The following MAS1 variants were observed in gnomAD, a reference collection of about 807,000 sequenced individuals.
MAS1 encodes the protein proto-oncogene Mas.
For synonymous variants in MAS1, 163 were observed against 164.2 expected (o/e 0.99, Z 0.05); for missense variants, 387 against 409.7 (o/e 0.94, Z 0.48).
rs1042498479 is a variant in MAS1 at position 159,917,436 on chromosome 6, C to A, written c.*9503C>A. On this transcript the variant is annotated 3_prime_UTR_variant, in exon 3 of 3. Transcript: ENST00000674077. ...TTTCAGAGATCAGGAATAAAATGTTCATGCATGAGAATTTTGTGTTGGGCT... is the reference window on the plus strand; with the variant it reads ...TTTCAGAGATCAGGAATAAAATGTTAATGCATGAGAATTTTGTGTTGGGCT... Among the ~76,000 whole-genome samples, 6 of 152,172 alleles carry A rather than the reference C, an allele frequency of 3.9e-5. No individual in the cohort carries two copies. The highest frequency in any genetic ancestry group is 8.8e-5 in the Non-Finnish European group (6 of 68,036).
intron 2 of MAS1, among the ~76,000 whole-genome samples, chr6:159,900,192 G>T (rs938763626): frequency 6.6e-6 from 1 of 152,194 alleles, no homozygotes; most frequent in Admixed American, 6.5e-5. Flanking sequence ...GGCTTTCTGA[G>T]ATCTCAACTG....
rs1240633167 is a variant in MAS1, at chr6:159,907,062, A to T, written c.107A>T (p.His36Leu). ...GNAHRQIPIV[H>L]WVIMSISPVG... Reference sequence around the variant, plus strand: ...GCACATCGGCAAATCCCCATCGTGCACTGGGTCATTATGAGCATCTCCCCA... The same window carrying T: ...GCACATCGGCAAATCCCCATCGTGCTCTGGGTCATTATGAGCATCTCCCCA... The change falls in exon 3 of 3, where the codon CAC becomes CTC. Residue 36 changes from histidine to leucine, a missense_variant. Coordinates refer to ENST00000674077, the MANE Select transcript of MAS1 (RefSeq NM_002377.4). 9 of 1,614,076 alleles carry T rather than the reference A, an allele frequency of 5.6e-6. No individual in the cohort carries two copies. Among genetic ancestry groups the T allele is most frequent in the Non-Finnish European group, 7.6e-6 (9 of 1,180,012 alleles).
Position 159,906,920 on chromosome 6 carries a change from A to C in MAS1, c.-36A>C, listed in dbSNP as rs1782893739. On this transcript the variant is annotated splice_region_variant and 5_prime_UTR_variant, in exon 3 of 3. Transcript: ENST00000674077. ...TGTTTTGTTCTGGACATATTTACAGAAAATTACCTGAAGAGTTCCAACCTG... is the reference window on the plus strand; with the variant it reads ...TGTTTTGTTCTGGACATATTTACAGCAAATTACCTGAAGAGTTCCAACCTG... The C allele has an allele frequency of 6.5e-7, 1 of 1,542,782 alleles. No homozygotes were observed. Among genetic ancestry groups the C allele is most frequent in the Admixed American group, 2.0e-5 (1 of 49,716 alleles).
Position 159,907,380 on chromosome 6 carries a change from G to T in MAS1, c.425G>T (p.Cys142Phe), listed in dbSNP as rs1306095215. 6.2e-7 allele frequency: 1 copy of T among 1,613,970 alleles called. No homozygotes were observed. The change falls in exon 3 of 3, where the codon TGC (cysteine) becomes TTC (phenylalanine). Residue 142 changes from cysteine to phenylalanine, a missense_variant. Transcript: ENST00000674077. ...GTCCTTTACCCCATCTGGTACCGAT[G>T]CCATCGCCCCAAGTACCAGTCGGCA... Reference protein sequence around the residue: ...LSVLYPIWYRCHRPKYQSALV... With the variant: ...LSVLYPIWYRFHRPKYQSALV...
Position 159,910,060 on chromosome 6 carries a change from G to A in MAS1, c.*2127G>A, listed in dbSNP as rs928213074. ...AAGATTTAAGTAAATTTGCAAATATGTAGAGAATACTAAATCATTTGTATC... is the reference window on the plus strand; with the variant it reads ...AAGATTTAAGTAAATTTGCAAATATATAGAGAATACTAAATCATTTGTATC... On this transcript the variant is annotated 3_prime_UTR_variant, in exon 3 of 3. Coordinates refer to ENST00000674077, the MANE Select transcript of MAS1 (RefSeq NM_002377.4). The A allele has an allele frequency of 6.6e-6, 1 of 152,230 alleles. No individual in the cohort carries two copies. Among genetic ancestry groups the A allele is most frequent in the African/African-American group, 2.4e-5 (1 of 41,456 alleles). The allele number at this position is 152,230 out of a possible 1,614,324, so 9.4% of individuals were successfully genotyped here. A position where few individuals can be genotyped will look rare whatever the true frequency, so the allele number is the denominator to read the frequency against.
At chr6:159,894,277 G>T (rs1782730452) in intron 1 of MAS1, among the ~76,000 whole-genome samples, 1 of 152,100 alleles carries the variant, frequency 6.6e-6, no homozygotes, top group Non-Finnish European at 1.5e-5. Flanking sequence ...AAATTAGTCA[G>T]ATGTGGTGGC....
rs1030431682 is a variant in MAS1 at position 159,914,525 on chromosome 6, G to C, written c.*6592G>C. ...TTCCCAGTTCAGGGAAGATGTAAGTGGGTATCAGAACTTAATCTTGAGCTT... is the reference window on the plus strand; with the variant it reads ...TTCCCAGTTCAGGGAAGATGTAAGTCGGTATCAGAACTTAATCTTGAGCTT... On this transcript the variant is annotated 3_prime_UTR_variant, in exon 3 of 3. Coordinates refer to ENST00000674077, the MANE Select transcript of MAS1 (RefSeq NM_002377.4). The C allele has an allele frequency of 6.6e-6, 1 of 152,202 alleles. No individual in the cohort carries two copies. The highest frequency in any genetic ancestry group is 2.4e-5 in the African/African-American group (1 of 41,436). 9.4% of individuals were successfully genotyped at this position (152,202 alleles called of 1,614,324 possible).
chr6:159,890,238 A>G (rs1365112978), upstream of MAS1, among the ~76,000 whole-genome samples: 1 of 152,212 alleles, frequency 6.6e-6, no homozygotes. Flanking sequence ...AAAACAAAAA[A>G]CCTAACCAAA....
At chr6:159,895,638 A>G (rs1782747038) in intron 1 of MAS1, among the ~76,000 whole-genome samples, 2 of 152,264 alleles carry the variant, frequency 1.3e-5, no homozygotes, top group African/African-American at 4.8e-5. Context: ...CAACCTCATT[A>G]GGAATCAAAT....
rs1353231318 is a variant in MAS1, at chr6:159,917,286, A to G, written c.*9353A>G. On this transcript the variant is annotated 3_prime_UTR_variant, in exon 3 of 3. Coordinates refer to ENST00000674077, the MANE Select transcript of MAS1 (RefSeq NM_002377.4). ...GGATTAATCACAAGGAGATTTAAAA[A>G]ACGAGAGATTTTCTGTAGTAAGTAC... Among the ~76,000 whole-genome samples the G allele has an allele frequency of 6.6e-6, 1 of 152,248 alleles. No individual in the cohort carries two copies. The highest frequency in any genetic ancestry group is 1.5e-5 in the Non-Finnish European group (1 of 68,034).
chr6:159,904,450 C>T (rs2044388363), intron 2 of MAS1, among the ~76,000 whole-genome samples: 1 of 152,194 alleles, frequency 6.6e-6, no homozygotes, highest in African/African-American at 2.4e-5. Context: ...AATGGCTAAA[C>T]ACGTATTCTC....
chr6:159,907,647 T>G lies in MAS1; in HGVS notation c.692T>G (p.Met231Arg), dbSNP rs377184807. 1 of 1,614,012 alleles carries G rather than the reference T, an allele frequency of 6.2e-7. No homozygotes were observed. Among genetic ancestry groups the G allele is most frequent in the Non-Finnish European group, 8.5e-7 (1 of 1,180,000 alleles). ...TCCTCCAAGCTTTACATAGTCATCA[T>G]GGTCACCATCATTATATTCCTCATC... Reference protein sequence around the residue: ...SHSSKLYIVIMVTIIIFLIFA... With the variant: ...SHSSKLYIVIRVTIIIFLIFA... The change falls in exon 3 of 3, where the codon ATG (methionine) becomes AGG (arginine). Residue 231 changes from methionine (M) to arginine (R), a missense_variant. Met to Arg is a moderately conservative substitution (Grantham distance 91). Coordinates refer to ENST00000674077, the MANE Select transcript of MAS1 (RefSeq NM_002377.4).
intron 2 of MAS1, among the ~76,000 whole-genome samples, chr6:159,899,669 G>C (rs1782800339): frequency 6.6e-6 from 1 of 152,226 alleles, no homozygotes; most frequent in African/African-American, 2.4e-5. Context: ...AGCCCAGGAA[G>C]TCAAGGCTGC....
At chr6:159,901,671 A>G (rs170220) in intron 2 of MAS1, among the ~76,000 whole-genome samples, 41,549 of 151,814 alleles carry the variant, frequency 0.27, 6,681 homozygotes, top group East Asian at 0.77. Flanking sequence ...TGAACATAGC[A>G]AGATCCCATC....
rs991708210 is a variant in MAS1, at chr6:159,913,543, A to G, written c.*5610A>G. The stretch of plus-strand genomic sequence containing the variant: ...CCTGAAGGCTTGACTAGGCAGGGCA[A>G]TCGAGGTGGTACACTCACAAGGCTG... On this transcript the variant is annotated 3_prime_UTR_variant, in exon 3 of 3. Transcript: ENST00000674077. 3.3e-5 allele frequency: 5 copies of G among 152,210 alleles called. No individual in the cohort carries two copies. Among genetic ancestry groups the G allele is most frequent in the Non-Finnish European group, 7.3e-5 (5 of 68,048 alleles). 9.4% of individuals were successfully genotyped at this position (152,210 alleles called of 1,614,324 possible).
At chr6:159,902,949 G>A (rs1562311027) in intron 2 of MAS1, among the ~76,000 whole-genome samples, 1 of 152,022 alleles carries the variant, frequency 6.6e-6, no homozygotes, top group Non-Finnish European at 1.5e-5. Context: ...GTGGCTCCAG[G>A]TTCTGCTCTC....
intron 2 of MAS1, among the ~76,000 whole-genome samples, chr6:159,902,771 A>T (rs1782837077): frequency 6.6e-6 from 1 of 152,100 alleles, no homozygotes; most frequent in Middle Eastern, 3.2e-3. Flanking sequence ...CGGCCACTGT[A>T]TCGCCTCCCA....
At position 159,914,369 on chromosome 6, in the gene MAS1, T is replaced by A. The variant is rs1782997770; in HGVS notation, c.*6436T>A. On this transcript the variant is annotated 3_prime_UTR_variant, in exon 3 of 3. Transcript: ENST00000674077. The stretch of plus-strand genomic sequence containing the variant: ...ACAGTTTTTTAAGGGTTCTTGGTGG[T>A]GTCAGAGCTTTGCTACTTAGTATTG... The A allele has an allele frequency of 6.6e-6, 1 of 152,212 alleles. No individual in the cohort carries two copies. The highest frequency in any genetic ancestry group is 2.4e-5 in the African/African-American group (1 of 41,458). The allele number at this position is 152,212 out of a possible 1,614,324, so 9.4% of individuals were successfully genotyped here. A position where few individuals can be genotyped will look rare whatever the true frequency, so the allele number is the denominator to read the frequency against.
At chr6:159,899,848 C>T (rs905935510) in intron 2 of MAS1, among the ~76,000 whole-genome samples, 8 of 152,072 alleles carry the variant, frequency 5.3e-5, no homozygotes, top group Admixed American at 3.9e-4. Context: ...GAGTTCATGA[C>T]CAGTCTGGCC....
Sources: allele counts gnomAD v4.1 joint callset (sites outside exome capture counted in the v4.1 genomes callset), GRCh38; gene constraint gnomAD v4.1.1; transcripts MANE v1.5; gene names NCBI Gene and HGNC (gene_info 2026-07-23, HGNC 2026-07-21).